DUSP16: variants seen among roughly 807,000 people sequenced by gnomAD.
The protein encoded by DUSP16 is dual specificity phosphatase 16.
Under a neutral mutation model 58.3 loss-of-function variants are expected in DUSP16, and 21 were observed. The observed-to-expected ratio is 0.36, with a 90% CI of 0.26 to 0.52. The LOEUF (loss-of-function observed/expected upper bound fraction) is 0.52, where lower values mean the gene tolerates loss of function less well. Ranked by LOEUF, DUSP16 falls within the 20% of genes least tolerant of loss-of-function variation. DUSP16 has a pLI of 0.94. For synonymous variants in DUSP16, 320 were observed against 323.8 expected (o/e 0.99, Z 0.12); for missense variants, 726 against 819.0 (o/e 0.89, Z 1.39).
Position 12,477,265 on chromosome 12 carries a change from G to A in DUSP16, c.1566C>T (p.Ser522=). ...ACTTCGTGAGGTGCTGCTGGCTGGT[G>A]GAAAGGCCGAAAAGGAAGCTGGTGT... ...NYHTSFLFGL[S]TSQQHLTKSA... is the part of the protein sequence containing the mutation. Residue 522 remains serine, a synonymous_variant, in exon 7 of 7, where the codon TCC becomes TCT. Transcript: ENST00000298573. This position sits in a 1 kb window ranked among gnomAD's most constrained non-coding sequence, Gnocchi z 4.1. The A allele has an allele frequency of 4.3e-6, 7 of 1,614,236 alleles. No individual in the cohort carries two copies. Among genetic ancestry groups the A allele is most frequent in the South Asian group, 2.2e-5 (2 of 91,088 alleles).
At chr12:12,516,148 G>C (rs1944149406) in intron 3 of DUSP16, among the ~76,000 whole-genome samples, 1 of 151,156 alleles carries the variant, frequency 6.6e-6, no homozygotes, top group Non-Finnish European at 1.5e-5. Context: ...ATAATTTTGT[G>C]TTTTGTTTTT....
In DUSP16 at chr12:12,521,299, C is replaced by G; in HGVS notation, c.-201G>C. ...TCTCTTTCTCTTTCCCGTTGATGTGCTCTTGCAAAGGACTCCGTCCACAAA... is the reference window on the plus strand; with the variant it reads ...TCTCTTTCTCTTTCCCGTTGATGTGGTCTTGCAAAGGACTCCGTCCACAAA... On this transcript the variant is annotated 5_prime_UTR_variant, in exon 2 of 7. Transcript: ENST00000298573. 2.8e-6 allele frequency: 4 copies of G among 1,426,936 alleles called. No individual in the cohort carries two copies. The highest frequency in any genetic ancestry group is 3.7e-6 in the Non-Finnish European group (4 of 1,093,846). The allele number at this position is 1,426,936 out of a possible 1,614,324, so 88.4% of individuals were successfully genotyped here. A position where few individuals can be genotyped will look rare whatever the true frequency, so the allele number is the denominator to read the frequency against.
intron 2 of DUSP16, 147 bp from the exon 3 acceptor site, chr12:12,520,147 A>G (rs776490993): frequency 1.3e-5 from 11 of 858,654 alleles, no homozygotes; most frequent in African/African-American, 3.4e-5. Flanking sequence ...GATGTAGTCA[A>G]TTTACGAGAC....
chr12:12,478,122 C>A lies in DUSP16; in HGVS notation c.816-107G>T, dbSNP rs1401558805. 3 of 1,048,546 alleles carry A rather than the reference C, an allele frequency of 2.9e-6. No homozygotes were observed. In the African/African-American group the frequency reaches 4.8e-5, roughly 17 times the overall value. The allele number at this position is 1,048,546 out of a possible 1,614,324, so 65.0% of individuals were successfully genotyped here. On this transcript the variant is annotated intron_variant, in intron 6 of 6. Coordinates refer to ENST00000298573, the MANE Select transcript of DUSP16 (RefSeq NM_030640.3). ...GGAATTATCAGGCAGACCTCAAAAA[C>A]TTTGGAAGATGATTGGTTTACAAGT... is the stretch of plus-strand genomic sequence containing the variant.
intron 1 of DUSP16, among the ~76,000 whole-genome samples, chr12:12,559,691 T>A (rs369626009): frequency 6.6e-6 from 1 of 152,232 alleles, no homozygotes. Flanking sequence ...GACAGCTATA[T>A]AAGTCTGCTT....
intron 3 of DUSP16, among the ~76,000 whole-genome samples, chr12:12,507,014 T>C (rs1276965702): frequency 6.6e-6 from 1 of 152,090 alleles, no homozygotes; most frequent in Admixed American, 6.5e-5. Context: ...TGATTTTCTG[T>C]AAAAGCAAAC....
Position 12,500,546 on chromosome 12 carries a change from A to C in DUSP16, c.504T>G (p.Leu168=), listed in dbSNP as rs1943893454. 2 of 1,610,612 alleles carry C rather than the reference A, an allele frequency of 1.2e-6. No homozygotes were observed. Among genetic ancestry groups the C allele is most frequent in the Admixed American group, 3.4e-5 (2 of 59,190 alleles). Reference sequence around the variant, plus strand: ...TGTTGAGGACATCTCGCTGGCAGCCAAGATAAAGATTGGGAAGAATTCGGG... The same window carrying C: ...TGTTGAGGACATCTCGCTGGCAGCCCAGATAAAGATTGGGAAGAATTCGGG... ...GPTRILPNLY[L]GCQRDVLNKE... The change falls in exon 4 of 7, where the codon CTT becomes CTG. Residue 168 remains leucine, a synonymous_variant. Transcript: ENST00000298573.
At chr12:12,522,493 A>C (rs1236583205) in intron 1 of DUSP16, among the ~76,000 whole-genome samples, 1 of 152,054 alleles carries the variant, frequency 6.6e-6, no homozygotes, top group Non-Finnish European at 1.5e-5. Context: ...CCCCTGGTCC[A>C]TCTCTGCTTA....
chr12:12,517,910 C>T (rs1367604533), intron 3 of DUSP16, among the ~76,000 whole-genome samples: 1 of 152,184 alleles, frequency 6.6e-6, no homozygotes, highest in Non-Finnish European at 1.5e-5. Flanking sequence ...CCACGTGTCC[C>T]TAGAGTTGAC....
intron 4 of DUSP16, among the ~76,000 whole-genome samples, chr12:12,493,566 G>A (rs535236314): frequency 6.6e-6 from 1 of 152,092 alleles, no homozygotes; most frequent in Non-Finnish European, 1.5e-5. Flanking sequence ...CAGAAATCTT[G>A]TATTGTCTGG....
chr12:12,514,854 T>A (rs1478705979), intron 3 of DUSP16, among the ~76,000 whole-genome samples: 1 of 152,100 alleles, frequency 6.6e-6, no homozygotes, highest in East Asian at 1.9e-4. Context: ...AGACGAGGTC[T>A]CTCTCTGTTG....
At chr12:12,497,212 TCTTTA>T (rs1351239540) in intron 4 of DUSP16, among the ~76,000 whole-genome samples, 1 of 152,252 alleles carries the variant, frequency 6.6e-6, no homozygotes, top group Non-Finnish European at 1.5e-5. Context: ...TTTGCCCATT[TCTTTA>T]CTTTTAAAGG....
chr12:12,485,786 C>CTTTTTTTTTTTTTTTTTTTTTTT (rs749939375), intron 5 of DUSP16, among the ~76,000 whole-genome samples: 1 of 107,700 alleles, frequency 9.3e-6, no homozygotes. Flanking sequence ...GCCAATTCCA[C>CTTTTTTTTTTTTTTTTTTTTTTT]TTTTTTTTTT....
Position 12,521,398 on chromosome 12 carries a change from C to A in DUSP16, c.-300G>T, listed in dbSNP as rs1944235045. The A allele has an allele frequency of 1.6e-6, 2 of 1,270,152 alleles. No homozygotes were observed. Among genetic ancestry groups the A allele is most frequent in the Non-Finnish European group, 2.0e-6 (2 of 999,538 alleles). The allele number at this position is 1,270,152 out of a possible 1,614,324, so 78.7% of individuals were successfully genotyped here. A position where few individuals can be genotyped will look rare whatever the true frequency, so the allele number is the denominator to read the frequency against. Reference sequence around the variant, plus strand: ...CACAACAAAAGATGCTTTGGAGCAGCCAGCGCATTACATCATTCTTTACCT... The same window carrying A: ...CACAACAAAAGATGCTTTGGAGCAGACAGCGCATTACATCATTCTTTACCT... On this transcript the variant is annotated 5_prime_UTR_variant, in exon 2 of 7. Transcript: ENST00000298573.
rs1006282749 is a variant in DUSP16, at chr12:12,476,584, G to T, written c.*249C>A. On this transcript the variant is annotated 3_prime_UTR_variant, in exon 7 of 7. Coordinates refer to ENST00000298573, the MANE Select transcript of DUSP16 (RefSeq NM_030640.3). ...GGATGTGTAATTCACTGAATAAAAT[G>T]GTTTTCCTCCGTCTAGGGGGGATTC... The T allele has an allele frequency of 1.3e-5, 5 of 374,312 alleles. No homozygotes were observed. The highest frequency in any genetic ancestry group is 1.0e-4 in the African/African-American group (5 of 47,678). 23.2% of individuals were successfully genotyped at this position (374,312 alleles called of 1,614,324 possible).
rs146345910 is a variant in DUSP16, at chr12:12,523,603, T to C, written c.-365-2140A>G. 2.0e-3 allele frequency among the ~76,000 whole-genome samples: 306 copies of C among 152,368 alleles called. 2 individuals carry two copies. The highest frequency in any genetic ancestry group is 7.2e-3 in the African/African-American group (298 of 41,586). Reference sequence around the variant, plus strand: ...TAATGTATTATTTTTAGCATAGCTTTATGGTAATGAAGTACAAAAGTCATC... The same window carrying C: ...TAATGTATTATTTTTAGCATAGCTTCATGGTAATGAAGTACAAAAGTCATC... On this transcript the variant is annotated intron_variant, in intron 1 of 6. Transcript: ENST00000298573.
intron 1 of DUSP16, among the ~76,000 whole-genome samples, chr12:12,561,628 T>C (rs1267322690): frequency 6.6e-6 from 1 of 152,222 alleles, no homozygotes; most frequent in Non-Finnish European, 1.5e-5. Context: ...ACCACCCAGG[T>C]GGCCTCGCTG....
At position 12,477,352 on chromosome 12, in the gene DUSP16, G is replaced by A; in HGVS notation, c.1479C>T (p.Gly493=). 1 of 1,614,194 alleles carries A rather than the reference G, an allele frequency of 6.2e-7. No individual in the cohort carries two copies. Among genetic ancestry groups the A allele is most frequent in the South Asian group, 1.1e-5 (1 of 91,080 alleles). The part of the protein sequence containing the change: ...RLHSVRTSSS[G]TAQRSLLSPL... The stretch of plus-strand genomic sequence containing the variant: ...GAGATAAAAGGGACCTCTGGGCGGT[G>A]CCACTGCTGCTGGTTCTGACCGAAT... The change falls in exon 7 of 7, where the codon GGC becomes GGT. Residue 493 remains glycine (G), a synonymous_variant. Coordinates refer to ENST00000298573, the MANE Select transcript of DUSP16 (RefSeq NM_030640.3). This position sits in a 1 kb window ranked among gnomAD's most constrained non-coding sequence, Gnocchi z 4.1.
At position 12,476,113 on chromosome 12, in the gene DUSP16, T is replaced by C. The variant is rs896888685; in HGVS notation, c.*720A>G. On this transcript the variant is annotated 3_prime_UTR_variant, in exon 7 of 7. Transcript: ENST00000298573. The stretch of plus-strand genomic sequence containing the variant: ...ATCTCCATCTAGGCCCACGGGAATT[T>C]TGTGCATAGACAGTTTGAATTGGTC... The C allele has an allele frequency of 2.0e-5, 3 of 152,628 alleles. No individual in the cohort carries two copies. The highest frequency in any genetic ancestry group is 7.2e-5 in the African/African-American group (3 of 41,446). The allele number at this position is 152,628 out of a possible 1,614,324, so 9.5% of individuals were successfully genotyped here. A position where few individuals can be genotyped will look rare whatever the true frequency, so the allele number is the denominator to read the frequency against.
Sources: gnomAD v4.1 joint callset for allele counts (sites outside exome capture counted in the v4.1 genomes callset) on GRCh38, gnomAD v4.1.1 for gene constraint, Gnocchi (gnomAD v3.1) non-coding constraint, MANE v1.5 for transcripts, NCBI Gene and HGNC (gene_info 2026-07-23, HGNC 2026-07-21) for gene names.